The following NCOR1 variants were observed in gnomAD, a reference collection of about 807,000 sequenced individuals.
NCOR1 encodes nuclear receptor corepressor 1.
A neutral mutation model predicts 288.1 loss-of-function variants in NCOR1; 63 were observed. The observed-to-expected ratio is 0.22, with a 90% CI of 0.18 to 0.27. The LOEUF (loss-of-function observed/expected upper bound fraction) is 0.27. Ranked by LOEUF, NCOR1 falls within the 10% of genes least tolerant of loss-of-function variation. The pLI, the probability that NCOR1 is intolerant of heterozygous loss-of-function variation, is 1.00. For synonymous variants in NCOR1, 1,007 were observed against 1,065.9 expected (o/e 0.94, Z 1.08); for missense variants, 2,397 against 3,019.2 (o/e 0.79, Z 4.83).
At chr17:16,097,225 A>T (rs1460216139) in intron 21 of NCOR1, among the ~76,000 whole-genome samples, 1 of 152,238 alleles carries the variant, frequency 6.6e-6, no homozygotes, top group Non-Finnish European at 1.5e-5. Context: ...CAGCCCAAAA[A>T]ACCACAAGGC....
At chr17:16,138,979 A>G in intron 12 of NCOR1, 29 bp downstream of exon 12, 1 of 1,447,872 alleles carries the variant, frequency 6.9e-7, no homozygotes, top group Non-Finnish European at 9.3e-7. Flanking sequence ...GTAGATGTCT[A>G]TTAGAGAATA....
intron 3 of NCOR1, 70 bp from the exon 4 acceptor site, chr17:16,172,065 GGT>G: frequency 8.0e-7 from 1 of 1,256,146 alleles, no homozygotes; most frequent in African/African-American, 1.5e-5. Flanking sequence ...TAACATCCCT[GGT>G]TAGACTTTGA....
At chr17:16,212,863 G>A (rs2092261465) in intron 1 of NCOR1, among the ~76,000 whole-genome samples, 1 of 151,918 alleles carries the variant, frequency 6.6e-6, no homozygotes, top group Non-Finnish European at 1.5e-5. Flanking sequence ...CTTGAGCCCA[G>A]GAGCTCGAGA....
chr17:16,131,220 TAA>T (rs1231947824), intron 14 of NCOR1, among the ~76,000 whole-genome samples: 1 of 151,126 alleles, frequency 6.6e-6, no homozygotes. Flanking sequence ...TATAAATTTT[TAA>T]AGTTTTTGTC....
intron 14 of NCOR1, among the ~76,000 whole-genome samples, chr17:16,133,207 G>C (rs2075912255): frequency 6.6e-6 from 1 of 152,122 alleles, no homozygotes; most frequent in Non-Finnish European, 1.5e-5. Context: ...GACCTCAAGT[G>C]ATCCACCCGC....
chr17:16,117,542 G>T lies in NCOR1; in HGVS notation c.2055+346C>A, dbSNP rs62073625. Among the ~76,000 whole-genome samples, 1,176 of 148,558 alleles carry T rather than the reference G, an allele frequency of 7.9e-3. 2 individuals carry two copies. Among genetic ancestry groups the T allele is most frequent in the Middle Eastern group, 0.018 (5 of 280 alleles). On this transcript the variant is annotated intron_variant, in intron 18 of 45. Coordinates refer to ENST00000268712, the MANE Select transcript of NCOR1 (RefSeq NM_006311.4). ...AAAAAAAAAAAAAAAAAACATCAAG[G>T]CTAGATGCAGTGGCTCACACCTGTA...
intron 21 of NCOR1, among the ~76,000 whole-genome samples, chr17:16,092,650 TATATATATATATATATA>T (rs2065387561): frequency 3.0e-4 from 4 of 13,188 alleles, no homozygotes; most frequent in African/African-American, 9.8e-4. Context: ...GATCCATTTA[TATATATATATATATATA>T]TATATATATA....
At chr17:16,044,998 AG>A (rs368470164) in intron 42 of NCOR1, 14 of 469,496 alleles carry the variant, frequency 3.0e-5, no homozygotes, top group South Asian at 6.7e-5. Flanking sequence ...GCTGAACTTA[AG>A]AAAAAAAAAA....
At chr17:16,112,572 T>A (rs1260059893) in intron 18 of NCOR1, among the ~76,000 whole-genome samples, 1 of 152,186 alleles carries the variant, frequency 6.6e-6, no homozygotes, top group Non-Finnish European at 1.5e-5. Context: ...CTCAGCTCAC[T>A]GCAACCTCCG....
chr17:16,158,764 T>C lies in NCOR1; in HGVS notation c.728A>G (p.Asn243Ser). The change falls in exon 6 of 46, where the codon AAT (asparagine) becomes AGT (serine). Residue 243 changes from asparagine to serine, a missense_variant. Coordinates refer to ENST00000268712, the MANE Select transcript of NCOR1 (RefSeq NM_006311.4). Reference protein sequence around the residue: ...RSIVQIIYDENRKKAEEAHKI... With the variant: ...RSIVQIIYDESRKKAEEAHKI... ...CCAGAGATGGTATGAGCTTACCCGA[T>C]TCTCATCATAAATAATTTGGACAAT... 1 of 1,608,838 alleles carries C rather than the reference T, an allele frequency of 6.2e-7. No homozygotes were observed. The highest frequency in any genetic ancestry group is 8.5e-7 in the Non-Finnish European group (1 of 1,175,356).
intron 21 of NCOR1, among the ~76,000 whole-genome samples, chr17:16,093,832 C>G (rs934466294): frequency 6.6e-6 from 1 of 152,184 alleles, no homozygotes; most frequent in Non-Finnish European, 1.5e-5. Flanking sequence ...ACTCCCTCTT[C>G]TCCAAAACAT....
In NCOR1 at chr17:16,029,309, G is replaced by T; in HGVS notation, c.*2987C>A. Reference sequence around the variant, plus strand: ...TTCATTTACACTGTTGTAAAATAAGGTACTGAAGCAAAAGGAGGACTGATC... The same window carrying T: ...TTCATTTACACTGTTGTAAAATAAGTTACTGAAGCAAAAGGAGGACTGATC... On this transcript the variant is annotated 3_prime_UTR_variant, in exon 46 of 46. Coordinates refer to ENST00000268712, the MANE Select transcript of NCOR1 (RefSeq NM_006311.4). The T allele has an allele frequency of 2.2e-6, 1 of 446,470 alleles. No homozygotes were observed. Among genetic ancestry groups the T allele is most frequent in the South Asian group, 1.6e-5 (1 of 62,020 alleles). 27.7% of individuals were successfully genotyped at this position (446,470 alleles called of 1,614,324 possible). A position where few individuals can be genotyped will look rare whatever the true frequency, so the allele number is the denominator to read the frequency against.
intron 26 of NCOR1, among the ~76,000 whole-genome samples, chr17:16,078,465 A>G (rs2062871249): frequency 6.6e-6 from 1 of 152,216 alleles, no homozygotes; most frequent in Non-Finnish European, 1.5e-5. Flanking sequence ...CACAGTTTGG[A>G]TGCCAGAGTG....
chr17:16,214,848 ACCCAGCCTTCGCCATTACAC>A lies in NCOR1; in HGVS notation c.-71+494_-71+513del, dbSNP rs2092416800. 3.9e-5 allele frequency among the ~76,000 whole-genome samples: 6 copies of A among 152,338 alleles called. No individual in the cohort carries two copies. The South Asian group carries it at 1.2e-3, about 32-fold the overall frequency. On this transcript the variant is annotated intron_variant, in intron 1 of 45. Coordinates refer to ENST00000268712, the MANE Select transcript of NCOR1 (RefSeq NM_006311.4). Reference sequence around the variant, plus strand: ...TCGGATCTTTGCCATCTCCACCAGTACCCAGCCTTCGCCATTACACCCTGAAGCGGTCTGTTAGAAAGGTG... The same window carrying A: ...TCGGATCTTTGCCATCTCCACCAGTACCTGAAGCGGTCTGTTAGAAAGGTG...
At chr17:16,078,455 C>T (rs2062868683) in intron 26 of NCOR1, among the ~76,000 whole-genome samples, 1 of 152,208 alleles carries the variant, frequency 6.6e-6, no homozygotes, top group South Asian at 2.1e-4. Flanking sequence ...TCTTTCTTCC[C>T]ACAGTTTGGA....
intron 26 of NCOR1, 63 bp downstream of exon 26, chr17:16,079,901 A>G: frequency 7.1e-7 from 1 of 1,407,948 alleles, no homozygotes. Context: ...CCAAAGTGCT[A>G]AGAATTATTT....
chr17:16,108,689 T>A (rs2069322197), intron 19 of NCOR1, 97 bp downstream of exon 19: 1 of 1,019,884 alleles, frequency 9.8e-7, no homozygotes, highest in Non-Finnish European at 1.4e-6. Context: ...ACTGGCACAC[T>A]GTTTCCTCAA....
intron 18 of NCOR1, among the ~76,000 whole-genome samples, chr17:16,115,378 A>T (rs184409618): frequency 6.6e-6 from 1 of 152,328 alleles, no homozygotes; most frequent in African/African-American, 2.4e-5. Flanking sequence ...GCTCCTCATT[A>T]CTTATGCAAA....
At position 16,215,506 on chromosome 17, in the gene NCOR1, C is replaced by G. The variant is rs1223404622; in HGVS notation, c.-215G>C. On this transcript the variant is annotated 5_prime_UTR_variant, in exon 1 of 46. Transcript: ENST00000268712. ...GCCGCCGCCGCCGCCGCGGCTGCTGCTTCGCCACCTTGGCCGCCATCTTGA... is the reference window on the plus strand; with the variant it reads ...GCCGCCGCCGCCGCCGCGGCTGCTGGTTCGCCACCTTGGCCGCCATCTTGA... 1 of 398,688 alleles carries G rather than the reference C, an allele frequency of 2.5e-6. No homozygotes were observed. Among genetic ancestry groups the G allele is most frequent in the African/African-American group, 2.1e-5 (1 of 48,608 alleles). 24.7% of individuals were successfully genotyped at this position (398,688 alleles called of 1,614,324 possible).
Sources: gnomAD v4.1 joint callset for allele counts (sites outside exome capture counted in the v4.1 genomes callset) on GRCh38, gnomAD v4.1.1 for gene constraint, MANE v1.5 for transcripts, NCBI Gene and HGNC (gene_info 2026-07-23, HGNC 2026-07-21) for gene names.